Variants in PLCXD3 observed in about 807,000 individuals in gnomAD.
PLCXD3 encodes the protein phosphatidylinositol specific phospholipase C X domain containing 3, also known as PI-PLC X domain-containing protein 3.
Under a neutral mutation model 25.5 loss-of-function variants are expected in PLCXD3, and 19 were observed. The observed-to-expected ratio is 0.75, with a 90% CI of 0.52 to 1.09. PLCXD3 has a LOEUF of 1.09. Ranked by LOEUF, PLCXD3 falls within the 50% of genes least tolerant of loss-of-function variation. The probability of loss-of-function intolerance (pLI) is 0.00; values close to 1 mark genes in which losing one functional copy is unlikely to be tolerated. For synonymous variants in PLCXD3, 174 were observed against 137.6 expected (o/e 1.26, Z -1.85); for missense variants, 411 against 388.1 (o/e 1.06, Z -0.50).
At chr5:41,455,286 T>C (rs1264041161) in intron 1 of PLCXD3, among the ~76,000 whole-genome samples, 1 of 151,924 alleles carries the variant, frequency 6.6e-6, no homozygotes, top group Non-Finnish European at 1.5e-5. Flanking sequence ...GTTACAGCAG[T>C]TCTAGGAAAC....
intron 1 of PLCXD3, among the ~76,000 whole-genome samples, chr5:41,437,899 A>G (rs1274871400): frequency 1.3e-5 from 2 of 152,206 alleles, no homozygotes; most frequent in African/African-American, 4.8e-5. Context: ...TGTGATAAAT[A>G]CTGCTAGCTA....
chr5:41,359,233 A>T (rs1313987114), intron 2 of PLCXD3, among the ~76,000 whole-genome samples: 1 of 152,144 alleles, frequency 6.6e-6, no homozygotes, highest in East Asian at 1.9e-4. Flanking sequence ...GGTTTCACAG[A>T]ATGATTTAGG....
intron 1 of PLCXD3, among the ~76,000 whole-genome samples, chr5:41,481,157 G>A (rs1331320230): frequency 6.7e-6 from 1 of 148,258 alleles, no homozygotes; most frequent in Non-Finnish European, 1.5e-5. Flanking sequence ...CTTGGACATG[G>A]AAATCCAACA....
intron 1 of PLCXD3, among the ~76,000 whole-genome samples, chr5:41,443,376 A>G (rs964163615): frequency 6.6e-6 from 1 of 152,108 alleles, no homozygotes; most frequent in Non-Finnish European, 1.5e-5. Flanking sequence ...CATACCATCT[A>G]GGTTAGTACA....
chr5:41,467,767 T>C (rs77183471), intron 1 of PLCXD3, among the ~76,000 whole-genome samples: 3,541 of 152,266 alleles, frequency 0.023, 59 homozygotes, highest in Admixed American at 0.035. Flanking sequence ...ATTGTATTCT[T>C]CTAGATGTGG....
At chr5:41,321,168 A>G (rs1304836641) in intron 2 of PLCXD3, among the ~76,000 whole-genome samples, 3 of 152,260 alleles carry the variant, frequency 2.0e-5, no homozygotes, top group African/African-American at 7.2e-5. Flanking sequence ...CCTTGTTTGC[A>G]GATGATATGA....
chr5:41,493,748 G>A (rs537921204), intron 1 of PLCXD3, among the ~76,000 whole-genome samples: 8 of 152,318 alleles, frequency 5.3e-5, no homozygotes, highest in South Asian at 4.1e-4. Flanking sequence ...GCCAGGTGCC[G>A]GGTATAATCT....
At chr5:41,357,640 C>T (rs540189265) in intron 2 of PLCXD3, among the ~76,000 whole-genome samples, 30 of 152,312 alleles carry the variant, frequency 2.0e-4, no homozygotes, top group African/African-American at 6.0e-4. Flanking sequence ...TCCAGGCCCA[C>T]TGCAGAATTT....
At chr5:41,337,566 G>A (rs1157783574) in intron 2 of PLCXD3, among the ~76,000 whole-genome samples, 1 of 152,142 alleles carries the variant, frequency 6.6e-6, no homozygotes, top group Non-Finnish European at 1.5e-5. Flanking sequence ...TTTCTTTAGA[G>A]AAAATGCTAA....
At chr5:41,381,701 A>G (rs1745465289) in intron 2 of PLCXD3, 125 bp downstream of exon 2, 4 of 772,702 alleles carry the variant, frequency 5.2e-6, no homozygotes, top group Non-Finnish European at 8.2e-6. Flanking sequence ...AATTAGTGGT[A>G]CTTTGCTATT....
chr5:41,434,161 T>A (rs976247013), intron 1 of PLCXD3, among the ~76,000 whole-genome samples: 3 of 152,156 alleles, frequency 2.0e-5, no homozygotes, highest in Non-Finnish European at 2.9e-5. Flanking sequence ...TTTCTATATA[T>A]CTTTGTTTAT....
intron 1 of PLCXD3, among the ~76,000 whole-genome samples, chr5:41,445,314 C>T (rs1183212493): frequency 1.3e-5 from 2 of 152,176 alleles, no homozygotes; most frequent in African/African-American, 4.8e-5. Flanking sequence ...TAAGGAAGGG[C>T]ACATAAGTCA....
chr5:41,458,297 G>T (rs1445943333), intron 1 of PLCXD3, among the ~76,000 whole-genome samples: 28 of 151,772 alleles, frequency 1.8e-4, no homozygotes, highest in Non-Finnish European at 4.1e-4. Context: ...AAAACATACT[G>T]AACAGCCCAA....
chr5:41,476,539 G>T (rs951926500), intron 1 of PLCXD3, among the ~76,000 whole-genome samples: 8 of 152,178 alleles, frequency 5.3e-5, no homozygotes, highest in African/African-American at 1.9e-4. Context: ...TATACATGTT[G>T]TCTCCATTTG....
At chr5:41,369,552 T>A (rs1316108485) in intron 2 of PLCXD3, among the ~76,000 whole-genome samples, 1 of 152,122 alleles carries the variant, frequency 6.6e-6, no homozygotes, top group Non-Finnish European at 1.5e-5. Flanking sequence ...TCCATCAGGG[T>A]CCACTGCAAC....
chr5:41,465,168 T>C (rs1487365415), intron 1 of PLCXD3, among the ~76,000 whole-genome samples: 2 of 151,912 alleles, frequency 1.3e-5, no homozygotes, highest in Non-Finnish European at 2.9e-5. Flanking sequence ...ACGTATGACA[T>C]GTTTTTCATT....
At chr5:41,339,738 G>A (rs189247227) in intron 2 of PLCXD3, among the ~76,000 whole-genome samples, 86 of 152,274 alleles carry the variant, frequency 5.6e-4, no homozygotes, top group Admixed American at 5.0e-3. Context: ...ATTTGAAAAT[G>A]TCATCCTAAA....
chr5:41,343,409 T>C (rs1272656590), intron 2 of PLCXD3, among the ~76,000 whole-genome samples: 1 of 152,150 alleles, frequency 6.6e-6, no homozygotes, highest in Non-Finnish European at 1.5e-5. Flanking sequence ...AAAGAAATCA[T>C]CCATATATTT....
intron 1 of PLCXD3, among the ~76,000 whole-genome samples, chr5:41,393,887 A>G (rs1191000692): frequency 1.3e-5 from 2 of 152,110 alleles, no homozygotes; most frequent in African/African-American, 4.8e-5. Flanking sequence ...CCGAGATCGC[A>G]CCACTACACT....
Sources: gnomAD v4.1 joint callset for allele counts (sites outside exome capture counted in the v4.1 genomes callset) on GRCh38, gnomAD v4.1.1 for gene constraint, MANE v1.5 for transcripts, NCBI Gene and HGNC (gene_info 2026-07-23, HGNC 2026-07-21) for gene names.